Variants in TMEM237 observed in about 807,000 individuals in gnomAD.
TMEM237 encodes the protein transmembrane protein 237.
TMEM237 carries 51 observed loss-of-function variants against 59.1 expected under a neutral mutation model. The observed-to-expected ratio is 0.86, with a 90% confidence interval of 0.69 to 1.09. The LOEUF (loss-of-function observed/expected upper bound fraction) is 1.09, where lower values mean the gene tolerates loss of function less well. Among genes scored for constraint, TMEM237 ranks in the 50% least tolerant of loss-of-function variants. The pLI is 0.00. For missense variants in TMEM237, 475 were observed against 478.3 expected, an observed-to-expected ratio of 0.99 and a Z score of 0.06; for synonymous variants, 140 against 166.1, an observed-to-expected ratio of 0.84 and a Z score of 1.21.
Position 201,628,144 on chromosome 2 carries a change from T to A in TMEM237, c.875A>T (p.Asp292Val), listed in dbSNP as rs773512396. 15 of 1,599,874 alleles carry A rather than the reference T, an allele frequency of 9.4e-6. No individual in the cohort carries two copies. Among genetic ancestry groups the A allele is most frequent in the Non-Finnish European group, 1.2e-5 (14 of 1,172,504 alleles). ...LSTISAFDRI[D>V]FAKISVAIRN... ...GATTGCTACTGATATTTTAGCAAAG[T>A]CAATCCTAGAAAATATAAAAGTTTC... Residue 292 changes from aspartate to valine, a missense_variant, in exon 10 of 13, where the codon GAC becomes GTC. Transcript: ENST00000409883.
chr2:201,628,044 T>G, intron 10 of TMEM237, 32 bp downstream of exon 10: 2 of 1,520,792 alleles, frequency 1.3e-6, no homozygotes, highest in Non-Finnish European at 1.8e-6. Flanking sequence ...ACTGAAGTAT[T>G]ACACAGTTAT....
chr2:201,643,291 C>A lies in TMEM237; in HGVS notation c.42+68G>T. 6.8e-7 allele frequency: 1 copy of A among 1,467,316 alleles called. No individual in the cohort carries two copies. Among genetic ancestry groups the A allele is most frequent in the African/African-American group, 1.4e-5 (1 of 71,010 alleles). The allele number at this position is 1,467,316 out of a possible 1,614,324, so 90.9% of individuals were successfully genotyped here. On this transcript the variant is annotated intron_variant, in intron 1 of 12. Transcript: ENST00000409883. This position sits in a 1 kb window ranked among gnomAD's most constrained non-coding sequence, Gnocchi z 4.3. Reference sequence around the variant, plus strand: ...TCGTTGGCGCCCCCCCACACACACCCACCCCCACTGCCAAGTGTAGCTGTT... The same window carrying A: ...TCGTTGGCGCCCCCCCACACACACCAACCCCCACTGCCAAGTGTAGCTGTT...
intron 12 of TMEM237, among the ~76,000 whole-genome samples, chr2:201,624,899 T>C (rs1957743584): frequency 6.6e-6 from 1 of 152,246 alleles, no homozygotes; most frequent in Admixed American, 6.5e-5. Context: ...AGATGCAGTT[T>C]TGATCCCAGC....
At chr2:201,633,283 ATAGT>A in intron 6 of TMEM237, 24 bp downstream of exon 6, 1 of 1,582,330 alleles carries the variant, frequency 6.3e-7, no homozygotes, top group East Asian at 2.3e-5. Context: ...ATCCTGGAGA[ATAGT>A]TAGAAGAATA....
chr2:201,631,112 T>C (rs1957803678), intron 7 of TMEM237: 1 of 152,100 alleles, frequency 6.6e-6, no homozygotes, highest in Admixed American at 6.6e-5. Flanking sequence ...AACCCCCCAG[T>C]GAGTGCGAGG....
intron 11 of TMEM237, 120 bp from the exon 12 acceptor site, chr2:201,626,267 G>T: frequency 9.3e-7 from 1 of 1,072,104 alleles, no homozygotes; most frequent in Non-Finnish European, 1.3e-6. Context: ...AACAAGTAAA[G>T]TGTGAAAGAA....
chr2:201,637,138 A>T (rs1163650505), intron 4 of TMEM237, among the ~76,000 whole-genome samples: 1 of 152,230 alleles, frequency 6.6e-6, no homozygotes, highest in Non-Finnish European at 1.5e-5. Context: ...AGCAAAAGAC[A>T]GGAGGAGGAG....
intron 11 of TMEM237, among the ~76,000 whole-genome samples, chr2:201,626,624 G>C (rs370827923): frequency 6.6e-6 from 1 of 150,744 alleles, no homozygotes; most frequent in East Asian, 2.0e-4. Flanking sequence ...GCTGGCCGCT[G>C]ATCTGCAGAT....
intron 1 of TMEM237, chr2:201,642,975 G>A: frequency 7.7e-7 from 1 of 1,303,088 alleles, no homozygotes; most frequent in Middle Eastern, 2.9e-4. Flanking sequence ...TTAATTAAAG[G>A]ACTCCGCAGG....
intron 4 of TMEM237, 96 bp from the exon 5 acceptor site, chr2:201,636,981 T>G: frequency 8.0e-7 from 1 of 1,245,746 alleles, no homozygotes; most frequent in Non-Finnish European, 1.1e-6. Flanking sequence ...ATGTTTCCTA[T>G]AGAATAACCC....
In TMEM237 at chr2:201,624,247, A is replaced by T. The variant is rs993621880; in HGVS notation, c.*8T>A. 2.5e-6 allele frequency: 4 copies of T among 1,609,212 alleles called. No individual in the cohort carries two copies. The highest frequency in any genetic ancestry group is 3.3e-5 in the Admixed American group (2 of 59,860). On this transcript the variant is annotated 3_prime_UTR_variant, in exon 13 of 13. Coordinates refer to ENST00000409883, the MANE Select transcript of TMEM237 (RefSeq NM_001044385.3). ...CTGGGTCATTATTCCTCCAAAGGTG[A>T]GCTGGTATTATGAAGAGGCTTTGAT... is the stretch of plus-strand genomic sequence containing the variant.
chr2:201,633,551 T>G (rs1432168647), intron 5 of TMEM237, 120 bp from the exon 6 acceptor site: 1 of 742,302 alleles, frequency 1.3e-6, no homozygotes, highest in African/African-American at 1.9e-5. Flanking sequence ...ATGTTTTCAC[T>G]ATCTTACAAA....
At position 201,620,685 on chromosome 2, in the gene TMEM237, T is replaced by G. The variant is rs1957693593; in HGVS notation, c.*3570A>C. 3.3e-5 allele frequency: 5 copies of G among 152,374 alleles called. No individual in the cohort carries two copies. In the East Asian group the frequency reaches 5.8e-4, roughly 18 times the overall value. The allele number at this position is 152,374 out of a possible 1,614,324, so 9.4% of individuals were successfully genotyped here. On this transcript the variant is annotated 3_prime_UTR_variant, in exon 13 of 13. Coordinates refer to ENST00000409883, the MANE Select transcript of TMEM237 (RefSeq NM_001044385.3). ...GCAAATGTCCTCATAGAAGTATTTT[T>G]TGTGTGTGTCAGGTTGTGATGGCCT...
intron 9 of TMEM237, among the ~76,000 whole-genome samples, chr2:201,628,477 TA>T (rs1331098684): frequency 2.0e-5 from 3 of 152,182 alleles, no homozygotes; most frequent in African/African-American, 7.2e-5. Context: ...GGATTTTTTT[TA>T]AAAGGGGCTA....
chr2:201,643,220 G>T lies in TMEM237; in HGVS notation c.42+139C>A. 2.1e-6 allele frequency: 2 copies of T among 960,524 alleles called. No homozygotes were observed. The highest frequency in any genetic ancestry group is 3.1e-6 in the Non-Finnish European group (2 of 648,744). The allele number at this position is 960,524 out of a possible 1,614,324, so 59.5% of individuals were successfully genotyped here. On this transcript the variant is annotated intron_variant, in intron 1 of 12. Coordinates refer to ENST00000409883, the MANE Select transcript of TMEM237 (RefSeq NM_001044385.3). This position sits in a 1 kb window ranked among gnomAD's most constrained non-coding sequence, Gnocchi z 4.3. ...CATTCCTGTGAACACTGGAGGGGCG[G>T]ATGCGCGCACCCCACGAGCAAGGCC...
At chr2:201,642,872 C>T (rs1687458461) in intron 1 of TMEM237, 20 of 1,336,552 alleles carry the variant, frequency 1.5e-5, no homozygotes, top group Non-Finnish European at 1.9e-5. Flanking sequence ...GAGCAGAAAT[C>T]TGGCGACCGT....
chr2:201,640,247 T>C lies in TMEM237; in HGVS notation c.79+14A>G. 6.4e-7 allele frequency: 1 copy of C among 1,551,284 alleles called. No homozygotes were observed. The highest frequency in any genetic ancestry group is 8.6e-7 in the Non-Finnish European group (1 of 1,159,082). On this transcript the variant is annotated intron_variant, in intron 3 of 12. Coordinates refer to ENST00000409883, the MANE Select transcript of TMEM237 (RefSeq NM_001044385.3). ...TTGAACACCAAATATTATATTTACA[T>C]TAAACTAACTCACCTTGACTAACAC...
In TMEM237 at chr2:201,628,166, T is replaced by A. The variant is rs1159526240; in HGVS notation, c.870-17A>T. 1 of 1,571,734 alleles carries A rather than the reference T, an allele frequency of 6.4e-7. No homozygotes were observed. Among genetic ancestry groups the A allele is most frequent in the South Asian group, 1.2e-5 (1 of 86,520 alleles). On this transcript the variant is annotated splice_polypyrimidine_tract_variant and intron_variant, in intron 9 of 12. Transcript: ENST00000409883. The stretch of plus-strand genomic sequence containing the variant: ...AAGTCAATCCTAGAAAATATAAAAG[T>A]TTCTTGTCACAGCGCAGTTGTAAAC...
chr2:201,636,726 TA>T, intron 5 of TMEM237, 21 bp downstream of exon 5: 1 of 1,558,090 alleles, frequency 6.4e-7, no homozygotes. Context: ...TATCACAACT[TA>T]ACCTTGGTTT....
Sources: gnomAD v4.1 joint callset for allele counts (sites outside exome capture counted in the v4.1 genomes callset) on GRCh38, gnomAD v4.1.1 for gene constraint, Gnocchi (gnomAD v3.1) non-coding constraint, MANE v1.5 for transcripts, NCBI Gene and HGNC (gene_info 2026-07-23, HGNC 2026-07-21) for gene names.